The following FIRRM variants were observed in gnomAD, a reference collection of about 807,000 sequenced individuals.
The protein encoded by FIRRM is FIGNL1 interacting regulator of recombination and mitosis.
At chr1:169,832,611 TA>T in the FIRRM span, 4 of 858,680 alleles carry the variant, frequency 4.7e-6, no homozygotes, top group Non-Finnish European at 7.4e-6. Flanking sequence ...TTTATCTTAT[TA>T]TTTTTTTTGA....
At chr1:169,802,858 C>T in the FIRRM span, 26 of 614,618 alleles carry the variant, frequency 4.2e-5, no homozygotes, top group South Asian at 2.0e-4. Flanking sequence ...GAATTAAAGA[C>T]GTGAATATAG....
chr1:169,819,032 T>G, the FIRRM span, among the ~76,000 whole-genome samples: 1 of 152,140 alleles, frequency 6.6e-6, no homozygotes, highest in Non-Finnish European at 1.5e-5. Context: ...GTAGAGCCCT[T>G]GGAGGAACAG....
the FIRRM span, chr1:169,851,576 A>C: frequency 1.9e-6 from 1 of 514,464 alleles, no homozygotes; most frequent in Non-Finnish European, 3.4e-6. Context: ...TATACAGTAA[A>C]GGTTAGCAGA....
the FIRRM span, chr1:169,853,472 A>G: frequency 2.1e-6 from 1 of 471,408 alleles, no homozygotes; most frequent in Non-Finnish European, 3.7e-6. Context: ...AACTGGCCTC[A>G]GTCAAATGCA....
At chr1:169,826,179 TCTC>T in the FIRRM span, 2 of 189,588 alleles carry the variant, frequency 1.1e-5, no homozygotes, top group Non-Finnish European at 2.3e-5. Flanking sequence ...TTCAAGCAAT[TCTC>T]CTGACTCCGC....
At chr1:169,821,551 T>G in the FIRRM span, 1 of 547,162 alleles carries the variant, frequency 1.8e-6, no homozygotes, top group Non-Finnish European at 3.0e-6. Flanking sequence ...TCGGAAAAAT[T>G]TTATACTGTG....
At chr1:169,849,452 T>C in the FIRRM span, 5 of 1,367,570 alleles carry the variant, frequency 3.7e-6, no homozygotes, top group Non-Finnish European at 5.2e-6. Context: ...TTTATGATTA[T>C]CTATTATGGT....
At chr1:169,786,481 A>G in the FIRRM span, among the ~76,000 whole-genome samples, 2 of 152,204 alleles carry the variant, frequency 1.3e-5, no homozygotes, top group Non-Finnish European at 2.9e-5. Flanking sequence ...GCTGGCATAG[A>G]GAGTGGCACA....
the FIRRM span, among the ~76,000 whole-genome samples, chr1:169,843,466 G>GT: frequency 6.6e-6 from 1 of 152,110 alleles, no homozygotes; most frequent in African/African-American, 2.4e-5. Context: ...TGAACAAATT[G>GT]TTTAACCTCT....
chr1:169,835,534 C>G, the FIRRM span, among the ~76,000 whole-genome samples: 1 of 152,156 alleles, frequency 6.6e-6, no homozygotes, highest in African/African-American at 2.4e-5. Flanking sequence ...TATTTTTTCT[C>G]TTTCCAATTT....
chr1:169,808,473 T>C, the FIRRM span, among the ~76,000 whole-genome samples: 1 of 152,154 alleles, frequency 6.6e-6, no homozygotes, highest in Non-Finnish European at 1.5e-5. Flanking sequence ...TTATTGGGAA[T>C]TATAACTCAT....
chr1:169,809,014 C>T, the FIRRM span, among the ~76,000 whole-genome samples: 463 of 152,276 alleles, frequency 3.0e-3, 3 homozygotes, highest in African/African-American at 0.01. Context: ...TTTGTACCTG[C>T]GCTCTTCCCT....
the FIRRM span, among the ~76,000 whole-genome samples, chr1:169,797,611 G>A: frequency 2.0e-5 from 3 of 152,168 alleles, no homozygotes; most frequent in Non-Finnish European, 4.4e-5. Context: ...CTGGAGTGCA[G>A]TGGTGCGATC....
the FIRRM span, chr1:169,853,653 G>T: frequency 1.9e-6 from 3 of 1,568,654 alleles, no homozygotes; most frequent in Middle Eastern, 1.7e-4. Flanking sequence ...TGCTTTTGAG[G>T]TATTGATTTT....
chr1:169,847,383 CTGTT>C, the FIRRM span, among the ~76,000 whole-genome samples: 2 of 140,866 alleles, frequency 1.4e-5, no homozygotes, highest in South Asian at 2.3e-4. Context: ...CAATAAAATA[CTGTT>C]TGTACAAAAT....
the FIRRM span, among the ~76,000 whole-genome samples, chr1:169,786,367 A>T: frequency 7.2e-5 from 11 of 152,220 alleles, no homozygotes; most frequent in Non-Finnish European, 1.3e-4. Flanking sequence ...TGCAGAGTTT[A>T]ATCTGTGGAA....
the FIRRM span, chr1:169,829,486 A>T: frequency 6.5e-7 from 1 of 1,533,372 alleles, no homozygotes; most frequent in Non-Finnish European, 8.8e-7. Flanking sequence ...CTAAGGTTAC[A>T]CTTTTGCTTT....
At chr1:169,792,175 A>G in the FIRRM span, among the ~76,000 whole-genome samples, 197 of 152,366 alleles carry the variant, frequency 1.3e-3, no homozygotes, top group African/African-American at 4.6e-3. Context: ...TCCTATTTAC[A>G]TAAGGCCCCA....
the FIRRM span, among the ~76,000 whole-genome samples, chr1:169,834,263 T>C: frequency 2.0e-5 from 3 of 152,318 alleles, no homozygotes; most frequent in African/African-American, 7.2e-5. Context: ...TCTTCAGTTA[T>C]CAAATGCAGA....
Sources: allele counts gnomAD v4.1 joint callset (sites outside exome capture counted in the v4.1 genomes callset), GRCh38; gene constraint gnomAD v4.1.1; transcripts MANE v1.5; gene names NCBI Gene and HGNC (gene_info 2026-07-23, HGNC 2026-07-21).